Variants in DPP10 observed in about 807,000 individuals in gnomAD.
DPP10 encodes the protein dipeptidyl peptidase like 10.
A neutral mutation model predicts 120.9 loss-of-function variants in DPP10; 33 were observed. The ratio of observed to expected loss-of-function variants is 0.27; its 90% CI spans 0.21 to 0.37. The LOEUF (loss-of-function observed/expected upper bound fraction) is 0.37. Among genes scored for constraint, DPP10 ranks in the 10% least tolerant of loss-of-function variants. The pLI is 1.00. For missense variants in DPP10, 816 were observed against 942.8 expected (o/e 0.87, Z 1.76); for synonymous variants, 337 against 326.1 (o/e 1.03, Z -0.36).
chr2:114,939,817 C>A (rs1254729139), intron 1 of DPP10, among the ~76,000 whole-genome samples: 1 of 152,104 alleles, frequency 6.6e-6, no homozygotes, highest in Non-Finnish European at 1.5e-5. Context: ...TTACAAAATA[C>A]TTTTATTTAC....
rs1432326982 is a variant in DPP10, at chr2:114,477,948, CAT to C, written c.60+35115_60+35116del. Among the ~76,000 whole-genome samples, 335 of 147,058 alleles carry C rather than the reference CAT, an allele frequency of 2.3e-3. 2 individuals are homozygous for C. Among genetic ancestry groups the C allele is most frequent in the African/African-American group, 7.7e-3 (297 of 38,686 alleles). The stretch of plus-strand genomic sequence containing the variant: ...ATATGTACATATGTGTATATATGTA[CAT>C]ATATGTGTGTATATGTATATATGTG... On this transcript the variant is annotated intron_variant, in intron 1 of 25. Coordinates refer to ENST00000410059, the MANE Select transcript of DPP10 (RefSeq NM_020868.6).
At chr2:114,777,473 G>C (rs902468809) in intron 1 of DPP10, among the ~76,000 whole-genome samples, 2 of 150,608 alleles carry the variant, frequency 1.3e-5, no homozygotes, top group African/African-American at 4.8e-5. Flanking sequence ...AAAAAGTTTT[G>C]AAAAGTTGGC....
chr2:115,221,754 G>GTTTTTTTTTTTTTTT (rs56077672), intron 1 of DPP10, among the ~76,000 whole-genome samples: 3 of 120,144 alleles, frequency 2.5e-5, no homozygotes, highest in African/African-American at 6.6e-5. Context: ...GTTTGTTTCT[G>GTTTTTTTTTTTTTTT]TTTTTTTTTT....
intron 1 of DPP10, among the ~76,000 whole-genome samples, chr2:115,098,530 A>G (rs575050046): frequency 6.6e-5 from 10 of 152,268 alleles, no homozygotes; most frequent in African/African-American, 1.7e-4. Context: ...TGTATTGAAT[A>G]TTGTAGTCAA....
At chr2:115,090,775 T>A (rs1375095942) in intron 1 of DPP10, among the ~76,000 whole-genome samples, 1 of 151,664 alleles carries the variant, frequency 6.6e-6, no homozygotes, top group Non-Finnish European at 1.5e-5. Context: ...TGGGGAGAAG[T>A]TTATGGTGGG....
At chr2:115,616,379 A>G (rs1248016411) in intron 5 of DPP10, among the ~76,000 whole-genome samples, 1 of 151,950 alleles carries the variant, frequency 6.6e-6, no homozygotes, top group Non-Finnish European at 1.5e-5. Flanking sequence ...AAGCCTCGCA[A>G]CCATGGTTAT....
intron 3 of DPP10, among the ~76,000 whole-genome samples, chr2:115,425,592 C>G (rs550077629): frequency 6.6e-6 from 1 of 152,262 alleles, no homozygotes; most frequent in East Asian, 1.9e-4. Flanking sequence ...TAATAGAACA[C>G]TATTCCACCT....
intron 3 of DPP10, among the ~76,000 whole-genome samples, chr2:115,377,727 G>A (rs1030813189): frequency 6.6e-6 from 1 of 151,936 alleles, no homozygotes; most frequent in African/African-American, 2.4e-5. Context: ...ATTGATTTTT[G>A]TATAAGGTGT....
intron 1 of DPP10, among the ~76,000 whole-genome samples, chr2:114,915,276 T>C (rs1186965775): frequency 5.3e-5 from 8 of 152,228 alleles, no homozygotes. Flanking sequence ...GAGCATTACA[T>C]AATGATAAAG....
At chr2:115,407,966 G>C (rs2068650505) in intron 3 of DPP10, among the ~76,000 whole-genome samples, 1 of 152,082 alleles carries the variant, frequency 6.6e-6, no homozygotes, top group Non-Finnish European at 1.5e-5. Flanking sequence ...TACTCATCTA[G>C]AATGAGGAGA....
chr2:115,572,906 AAG>A (rs1216287305), intron 5 of DPP10, among the ~76,000 whole-genome samples: 2 of 152,192 alleles, frequency 1.3e-5, no homozygotes, highest in South Asian at 2.1e-4. Flanking sequence ...AGTGGCAGAA[AAG>A]AGAGTGCAGA....
chr2:115,742,612 TAAAAC>T (rs1677425015), intron 9 of DPP10, among the ~76,000 whole-genome samples: 1 of 152,120 alleles, frequency 6.6e-6, no homozygotes, highest in Non-Finnish European at 1.5e-5. Flanking sequence ...TCCTTGTTCT[TAAAAC>T]AAATTTCAGT....
At chr2:114,732,759 G>C (rs77129860) in intron 1 of DPP10, among the ~76,000 whole-genome samples, 200 of 152,282 alleles carry the variant, frequency 1.3e-3, no homozygotes, top group Non-Finnish European at 2.2e-3. Flanking sequence ...ATGGCCGATA[G>C]TATACTCTTA....
intron 7 of DPP10, 97 bp from the exon 8 acceptor site, chr2:115,727,719 A>T: frequency 7.5e-7 from 1 of 1,332,856 alleles, no homozygotes; most frequent in Non-Finnish European, 9.9e-7. Flanking sequence ...CGTAAATAAT[A>T]CAACATGGCT....
chr2:115,708,378 G>A (rs1356213085), intron 7 of DPP10, among the ~76,000 whole-genome samples: 1 of 151,936 alleles, frequency 6.6e-6, no homozygotes, highest in Admixed American at 6.6e-5. Context: ...AAAGACCGTG[G>A]TAAGTATCTT....
At chr2:115,225,512 C>T (rs62167279) in intron 1 of DPP10, among the ~76,000 whole-genome samples, 298 of 133,496 alleles carry the variant, frequency 2.2e-3, no homozygotes, top group African/African-American at 4.8e-3. Flanking sequence ...TGTGTGTGTG[C>T]GTGTGTGTGT....
At chr2:115,241,758 T>C (rs1250526203) in intron 1 of DPP10, among the ~76,000 whole-genome samples, 1 of 152,250 alleles carries the variant, frequency 6.6e-6, no homozygotes, top group Non-Finnish European at 1.5e-5. Flanking sequence ...AACTGTATGA[T>C]TTTAATTTAT....
At chr2:115,411,473 C>A (rs956381766) in intron 3 of DPP10, among the ~76,000 whole-genome samples, 4 of 152,064 alleles carry the variant, frequency 2.6e-5, no homozygotes, top group Admixed American at 2.6e-4. Context: ...GACTATATTA[C>A]CTTGATAAAG....
intron 2 of DPP10, among the ~76,000 whole-genome samples, chr2:115,321,511 T>G (rs2062057406): frequency 1.0e-5 from 1 of 96,402 alleles, no homozygotes; most frequent in Non-Finnish European, 2.0e-5. Context: ...TGCATTTTTT[T>G]AGTGTTTTTT....
Sources: allele counts gnomAD v4.1 joint callset (sites outside exome capture counted in the v4.1 genomes callset), GRCh38; gene constraint gnomAD v4.1.1; transcripts MANE v1.5; gene names NCBI Gene and HGNC (gene_info 2026-07-23, HGNC 2026-07-21).